The following TVP23A variants were observed in gnomAD, a reference collection of about 807,000 sequenced individuals.
TVP23A encodes the protein Golgi apparatus membrane protein TVP23 homolog A.
Under a neutral mutation model 31.7 loss-of-function variants are expected in TVP23A, and 21 were observed. The observed-to-expected ratio is 0.66, with a 90% CI of 0.47 to 0.95. The LOEUF (loss-of-function observed/expected upper bound fraction) is 0.95, where lower values mean the gene tolerates loss of function less well. TVP23A is among the 40% of genes least tolerant of loss of function. TVP23A has a pLI of 0.00. For missense variants in TVP23A, 279 were observed against 255.6 expected (o/e 1.09, Z -0.62); for synonymous variants, 104 against 96.0 (o/e 1.08, Z -0.49).
intron 2 of TVP23A, among the ~76,000 whole-genome samples, chr16:10,813,587 CAAAT>C (rs1219598204): frequency 6.6e-6 from 1 of 152,086 alleles, no homozygotes; most frequent in African/African-American, 2.4e-5. Context: ...CATAAACAAA[CAAAT>C]AAACAAATAA....
At chr16:10,813,898 C>G (rs1201188288) in intron 2 of TVP23A, among the ~76,000 whole-genome samples, 1 of 144,890 alleles carries the variant, frequency 6.9e-6, no homozygotes, top group Non-Finnish European at 1.5e-5. Flanking sequence ...ACTCAGGAGG[C>G]TGAGGCAGGA....
At chr16:10,815,227 C>T (rs547789472) in intron 2 of TVP23A, among the ~76,000 whole-genome samples, 1 of 152,206 alleles carries the variant, frequency 6.6e-6, no homozygotes, top group South Asian at 2.1e-4. Flanking sequence ...GAAACTCCAT[C>T]TCTACTAAAA....
chr16:10,759,478 T>A (rs150020513), downstream of TVP23A, among the ~76,000 whole-genome samples: 533 of 152,238 alleles, frequency 3.5e-3, 7 homozygotes, highest in African/African-American at 0.012. The surrounding 1 kb of genome is among the most constrained non-coding windows in gnomAD (Gnocchi z 4.7). Context: ...GTCCCATTTT[T>A]AAAAAGTGGT....
At chr16:10,773,895 C>A (rs2031810341) in intron 4 of TVP23A, 144 bp downstream of exon 4, 1 of 671,638 alleles carries the variant, frequency 1.5e-6, no homozygotes, top group Non-Finnish European at 2.5e-6. Flanking sequence ...TTTTGCCACA[C>A]CCATGTTTCA....
At chr16:10,761,123 GC>G (rs1900938778), downstream of TVP23A, 1 of 396,252 alleles carries the variant, frequency 2.5e-6, no homozygotes, top group East Asian at 5.2e-5. Context: ...GGGGGAAACT[GC>G]CCCCATGATC....
At chr16:10,817,441 G>A (rs530197944) in intron 2 of TVP23A, among the ~76,000 whole-genome samples, 5 of 152,266 alleles carry the variant, frequency 3.3e-5, no homozygotes, top group East Asian at 1.9e-4. Flanking sequence ...AGTGGCTGCC[G>A]CCTGGGCCAT....
At chr16:10,814,360 A>T (rs962151491) in intron 2 of TVP23A, among the ~76,000 whole-genome samples, 2 of 152,146 alleles carry the variant, frequency 1.3e-5, no homozygotes, top group Non-Finnish European at 2.9e-5. Context: ...GTTCCAACAC[A>T]GACTAACAAG....
At chr16:10,796,169 G>C (rs968200549) in intron 2 of TVP23A, among the ~76,000 whole-genome samples, 2 of 151,868 alleles carry the variant, frequency 1.3e-5, no homozygotes, top group African/African-American at 4.8e-5. Flanking sequence ...GCAACATGGT[G>C]AAACCTCATC....
chr16:10,787,375 G>C (rs768264766), intron 2 of TVP23A, among the ~76,000 whole-genome samples: 10 of 152,286 alleles, frequency 6.6e-5, no homozygotes, highest in Admixed American at 3.3e-4. Flanking sequence ...CACAGGTGAA[G>C]GCCAACAGCT....
chr16:10,808,693 C>A, intron 2 of TVP23A: 1 of 367,038 alleles, frequency 2.7e-6, no homozygotes, highest in Non-Finnish European at 5.4e-6. Flanking sequence ...GGGAGGATTG[C>A]TTGAGCTCAG....
At chr16:10,758,133 G>A (rs1176677132), downstream of TVP23A, 4 of 1,326,642 alleles carry the variant, frequency 3.0e-6, no homozygotes, top group South Asian at 1.3e-5. Flanking sequence ...TCTTCCCAGT[G>A]TGTGTTCCGC....
intron 2 of TVP23A, among the ~76,000 whole-genome samples, chr16:10,799,289 G>A (rs2033574220): frequency 6.6e-6 from 1 of 152,224 alleles, no homozygotes; most frequent in African/African-American, 2.4e-5. Context: ...AATCTGTCAT[G>A]CATCAAAAGC....
At chr16:10,757,678 G>A (rs575887707), downstream of TVP23A, among the ~76,000 whole-genome samples, 10 of 152,208 alleles carry the variant, frequency 6.6e-5, no homozygotes, top group South Asian at 1.5e-3. The surrounding 1 kb of genome is among the most constrained non-coding windows in gnomAD (Gnocchi z 4.1). Flanking sequence ...ATGCTTCTCC[G>A]TGAGCTGGGC....
At chr16:10,788,143 CAG>C (rs976546703) in intron 2 of TVP23A, among the ~76,000 whole-genome samples, 1 of 152,106 alleles carries the variant, frequency 6.6e-6, no homozygotes, top group Non-Finnish European at 1.5e-5. Flanking sequence ...ACAACTCAAA[CAG>C]GGAGGGCGCT....
At chr16:10,778,015 A>C (rs546173148) in intron 2 of TVP23A, among the ~76,000 whole-genome samples, 2 of 151,688 alleles carry the variant, frequency 1.3e-5, no homozygotes, top group African/African-American at 4.8e-5. Context: ...GTCTCAAAAA[A>C]AATAAAAATA....
In TVP23A at chr16:10,796,667, T is replaced by C. The variant is rs573333917; in HGVS notation, c.89+21436A>G. 3.0e-3 allele frequency among the ~76,000 whole-genome samples: 454 copies of C among 152,236 alleles called. 2 individuals carry two copies. Among genetic ancestry groups the C allele is most frequent in the Non-Finnish European group, 5.3e-3 (358 of 68,008 alleles). ...GTTGGCCAGGATGGTCTTGATCTCC[T>C]GACCTTGTGATCAGCCCGCCTCAGA... On this transcript the variant is annotated intron_variant, in intron 2 of 7. Transcript: ENST00000299866.
chr16:10,761,382 G>A, exon 9 of TVP23A: 5 of 1,614,064 alleles, frequency 3.1e-6, no homozygotes, highest in Non-Finnish European at 4.2e-6. Flanking sequence ...ACTCCAGGAT[G>A]TCCGGAAAGA....
At chr16:10,788,808 G>A (rs1195364266) in intron 2 of TVP23A, among the ~76,000 whole-genome samples, 1 of 152,196 alleles carries the variant, frequency 6.6e-6, no homozygotes, top group Non-Finnish European at 1.5e-5. Context: ...TAGCTAGTAG[G>A]AGTGGGCTTA....
At chr16:10,765,374 G>A (rs2030724647), downstream of TVP23A, among the ~76,000 whole-genome samples, 1 of 151,118 alleles carries the variant, frequency 6.6e-6, no homozygotes, top group Admixed American at 6.6e-5. This position sits in a 1 kb window ranked among gnomAD's most constrained non-coding sequence, Gnocchi z 4.0. Context: ...CAGTGTGGTG[G>A]CATGTGCCTG....
Sources: allele counts gnomAD v4.1 joint callset (sites outside exome capture counted in the v4.1 genomes callset), GRCh38; gene constraint gnomAD v4.1.1; non-coding constraint Gnocchi (gnomAD v3.1); transcripts MANE v1.5; gene names NCBI Gene and HGNC (gene_info 2026-07-23, HGNC 2026-07-21).